The following PABPC4L variants were observed in gnomAD, a reference collection of about 807,000 sequenced individuals.
PABPC4L encodes polyadenylate-binding protein 4-like.
For synonymous variants in PABPC4L, 169 were observed against 164.1 expected (o/e 1.03, Z -0.23); for missense variants, 452 against 451.4 (o/e 1.00, Z -0.01).
At chr4:134,013,449 T>C in the PABPC4L span, among the ~76,000 whole-genome samples, 1 of 152,034 alleles carries the variant, frequency 6.6e-6, no homozygotes, top group African/African-American at 2.4e-5. Flanking sequence ...TTCTTCTCCC[T>C]TAGCCTGTGT....
the PABPC4L span, among the ~76,000 whole-genome samples, chr4:134,168,887 A>G: frequency 6.6e-6 from 1 of 152,096 alleles, no homozygotes. Flanking sequence ...CAAAAAGTTG[A>G]GAATGAGGGA....
the PABPC4L span, among the ~76,000 whole-genome samples, chr4:134,147,749 G>GTGTGTTGTTGTTGT: frequency 6.7e-6 from 1 of 149,038 alleles, no homozygotes; most frequent in Admixed American, 6.8e-5. Context: ...GTGTGTGTGT[G>GTGTGTTGTTGTTGT]TGTTGTTGTT....
the PABPC4L span, among the ~76,000 whole-genome samples, chr4:134,164,041 A>T: frequency 6.6e-6 from 1 of 151,692 alleles, no homozygotes; most frequent in East Asian, 1.9e-4. Flanking sequence ...AGGCGGGCGG[A>T]TCACGAGGTC....
the PABPC4L span, among the ~76,000 whole-genome samples, chr4:134,072,422 C>T: frequency 2.6e-5 from 4 of 152,120 alleles, no homozygotes; most frequent in Non-Finnish European, 5.9e-5. Flanking sequence ...TTATAAGTTC[C>T]TTTAGGGCAT....
chr4:134,041,122 G>A, the PABPC4L span, among the ~76,000 whole-genome samples: 2 of 152,076 alleles, frequency 1.3e-5, no homozygotes, highest in Non-Finnish European at 2.9e-5. Context: ...TTACACTGTT[G>A]GTGGCAGTGT....
chr4:134,025,743 A>G, the PABPC4L span, among the ~76,000 whole-genome samples: 3 of 152,108 alleles, frequency 2.0e-5, no homozygotes, highest in Non-Finnish European at 2.9e-5. Flanking sequence ...ATTTTAACTG[A>G]TTAGGAATAC....
chr4:134,107,571 C>T, the PABPC4L span, among the ~76,000 whole-genome samples: 4 of 151,476 alleles, frequency 2.6e-5, no homozygotes, highest in African/African-American at 4.8e-5. Flanking sequence ...CAGCGAGCAT[C>T]TTCTATTTGC....
At chr4:133,981,857 C>T in the PABPC4L span, among the ~76,000 whole-genome samples, 1 of 151,808 alleles carries the variant, frequency 6.6e-6, no homozygotes, top group African/African-American at 2.4e-5. Context: ...TTGGATATTA[C>T]AAAGAAAGTA....
chr4:133,982,169 T>C, the PABPC4L span, among the ~76,000 whole-genome samples: 1 of 152,074 alleles, frequency 6.6e-6, no homozygotes, highest in Non-Finnish European at 1.5e-5. Context: ...AAAATAAATC[T>C]TTCTTTAAGA....
the PABPC4L span, among the ~76,000 whole-genome samples, chr4:134,126,963 T>C: frequency 6.6e-6 from 1 of 152,142 alleles, no homozygotes; most frequent in Admixed American, 6.6e-5. Flanking sequence ...CTGGCCTTTC[T>C]GGCTGAGAGC....
the PABPC4L span, among the ~76,000 whole-genome samples, chr4:134,122,095 T>C: frequency 2.6e-5 from 4 of 151,814 alleles, no homozygotes; most frequent in African/African-American, 9.7e-5. Context: ...CACTACCATA[T>C]CCAGAAGTAA....
the PABPC4L span, among the ~76,000 whole-genome samples, chr4:134,057,611 C>T: frequency 1.3e-5 from 2 of 152,184 alleles, no homozygotes; most frequent in Admixed American, 6.6e-5. Context: ...CCTTTTCTGA[C>T]ACCACCCTGA....
Position 134,199,796 on chromosome 4 carries a change from C to A in PABPC4L, c.*111G>T, listed in dbSNP as rs1729785580. ...ACGTTTTATCATAAAGTTTACTAAA[C>A]TAAGCACCCATCATGTGGAATATGA... On this transcript the variant is annotated 3_prime_UTR_variant, in exon 2 of 2. Coordinates refer to ENST00000421491, the MANE Select transcript of PABPC4L (RefSeq NM_001114734.2). 7.4e-7 allele frequency: 1 copy of A among 1,357,906 alleles called. No individual in the cohort carries two copies. Among genetic ancestry groups the A allele is most frequent in the Non-Finnish European group, 9.9e-7 (1 of 1,015,064 alleles). The allele number at this position is 1,357,906 out of a possible 1,614,324, so 84.1% of individuals were successfully genotyped here.
the PABPC4L span, among the ~76,000 whole-genome samples, chr4:133,987,738 A>G: frequency 6.6e-6 from 1 of 152,194 alleles, no homozygotes; most frequent in Admixed American, 6.6e-5. Context: ...TTCAAATTGT[A>G]AAGTGTTGCA....
chr4:133,998,632 A>T, the PABPC4L span, among the ~76,000 whole-genome samples: 2 of 152,006 alleles, frequency 1.3e-5, no homozygotes, highest in Non-Finnish European at 2.9e-5. Context: ...CCCTTTTTTT[A>T]ATCATTGCAG....
At chr4:134,031,876 G>C in the PABPC4L span, among the ~76,000 whole-genome samples, 1 of 151,860 alleles carries the variant, frequency 6.6e-6, no homozygotes. Flanking sequence ...ATTGCAGACA[G>C]AATGAGGAGA....
chr4:133,993,219 T>A, the PABPC4L span, among the ~76,000 whole-genome samples: 1 of 152,172 alleles, frequency 6.6e-6, no homozygotes, highest in Non-Finnish European at 1.5e-5. Context: ...GCAGGGTCCT[T>A]ACTCATATTC....
chr4:134,161,382 C>G, the PABPC4L span, among the ~76,000 whole-genome samples: 3 of 151,876 alleles, frequency 2.0e-5, no homozygotes, highest in South Asian at 2.1e-4. Flanking sequence ...AGTAATAACA[C>G]AGAACTTTAC....
At chr4:134,061,576 C>A in the PABPC4L span, among the ~76,000 whole-genome samples, 1 of 150,858 alleles carries the variant, frequency 6.6e-6, no homozygotes, top group African/African-American at 2.4e-5. Flanking sequence ...TGGAATGACA[C>A]CAGTCTTTAA....
Sources: allele counts gnomAD v4.1 joint callset (sites outside exome capture counted in the v4.1 genomes callset), GRCh38; gene constraint gnomAD v4.1.1; transcripts MANE v1.5; gene names NCBI Gene and HGNC (gene_info 2026-07-23, HGNC 2026-07-21).